The following CBLN2 variants were observed in gnomAD, a reference collection of about 807,000 sequenced individuals.
The protein encoded by CBLN2 is cerebellin 2 precursor.
Under a neutral mutation model 15.0 loss-of-function variants are expected in CBLN2, and 7 were observed. The ratio of observed to expected loss-of-function variants is 0.47; its 90% CI spans 0.27 to 0.88. The LOEUF (loss-of-function observed/expected upper bound fraction) is 0.88, where lower values mean the gene tolerates loss of function less well. Ranked by LOEUF, CBLN2 falls within the 40% of genes least tolerant of loss-of-function variation. The pLI, the probability that CBLN2 is intolerant of heterozygous loss-of-function variation, is 0.14. For synonymous variants in CBLN2, 149 were observed against 135.2 expected (o/e 1.10, Z -0.71); for missense variants, 242 against 304.5 (o/e 0.79, Z 1.53).
Position 72,542,152 on chromosome 18 carries a change from C to G in CBLN2, c.9G>C (p.Ala3=). MQ[A]PGRGPLGLRL... is the part of the protein sequence containing the mutation. ...GCAGCCCGAGTGGCCCCCGGCCGGG[C>G]GCCTGCATCGGGACTGGTGGGAGGC... is the stretch of plus-strand genomic sequence containing the variant. Residue 3 remains alanine, a synonymous_variant, in exon 3 of 5, where the codon GCG becomes GCC. Coordinates refer to ENST00000269503, the MANE Select transcript of CBLN2 (RefSeq NM_182511.4). The G allele has an allele frequency of 7.6e-7, 1 of 1,308,602 alleles. No individual in the cohort carries two copies. The highest frequency in any genetic ancestry group is 1.6e-5 in the African/African-American group (1 of 64,332). 81.1% of individuals were successfully genotyped at this position (1,308,602 alleles called of 1,614,324 possible). A position where few individuals can be genotyped will look rare whatever the true frequency, so the allele number is the denominator to read the frequency against.
intron 1 of CBLN2, among the ~76,000 whole-genome samples, chr18:72,626,525 C>T (rs2087079303): frequency 6.6e-6 from 1 of 151,972 alleles, no homozygotes; most frequent in Admixed American, 6.6e-5. Context: ...CATGGTAAAA[C>T]CCCGTCTCTA....
chr18:72,548,892 G>T (rs182106240), upstream of CBLN2, among the ~76,000 whole-genome samples: 3 of 152,266 alleles, frequency 2.0e-5, no homozygotes, highest in African/African-American at 7.2e-5. Flanking sequence ...TGAGGAAGGG[G>T]ATCCAAACTG....
chr18:72,569,024 A>G (rs1030497870), intron 1 of CBLN2, among the ~76,000 whole-genome samples: 15 of 152,184 alleles, frequency 9.9e-5, no homozygotes, highest in Non-Finnish European at 1.3e-4. Context: ...GCTGTTTCCC[A>G]TTTGTTTCAC....
intron 1 of CBLN2, among the ~76,000 whole-genome samples, chr18:72,601,413 T>G (rs117432981): frequency 2.0e-5 from 3 of 151,022 alleles, no homozygotes; most frequent in African/African-American, 7.3e-5. Flanking sequence ...GGGAGGTGTA[T>G]GCCATGTGCC....
chr18:72,557,123 C>A (rs1344214104), intron 1 of CBLN2, among the ~76,000 whole-genome samples: 5 of 151,538 alleles, frequency 3.3e-5, no homozygotes, highest in Admixed American at 3.3e-4. Flanking sequence ...ATGTACCATG[C>A]AAACAAATAA....
chr18:72,637,443 C>A (rs2069821176), intron 1 of CBLN2, among the ~76,000 whole-genome samples: 1 of 152,172 alleles, frequency 6.6e-6, no homozygotes, highest in Non-Finnish European at 1.5e-5. Context: ...TGAGCAGATC[C>A]ACAGCCCTGA....
chr18:72,547,208 G>A (rs1027138625), upstream of CBLN2, among the ~76,000 whole-genome samples: 6 of 152,008 alleles, frequency 3.9e-5, no homozygotes, highest in Admixed American at 2.6e-4. Flanking sequence ...CTTTTGCAGC[G>A]ACATAGATGG....
intron 1 of CBLN2, among the ~76,000 whole-genome samples, chr18:72,594,236 C>A (rs1397181759): frequency 6.6e-6 from 1 of 152,114 alleles, no homozygotes; most frequent in Non-Finnish European, 1.5e-5. Context: ...ACCTATGTAA[C>A]AAACCTGCAC....
intron 1 of CBLN2, among the ~76,000 whole-genome samples, chr18:72,612,326 G>GT (rs1261407718): frequency 6.6e-6 from 1 of 152,162 alleles, no homozygotes; most frequent in South Asian, 2.1e-4. Context: ...GATTCAAGTT[G>GT]TTTGTTTTTA....
chr18:72,598,169 A>G (rs1329001916), intron 1 of CBLN2, among the ~76,000 whole-genome samples: 1 of 152,140 alleles, frequency 6.6e-6, no homozygotes, highest in Non-Finnish European at 1.5e-5. Context: ...TAAAACCAGC[A>G]TGGCTCTGAG....
At chr18:72,630,981 A>G (rs368991993) in intron 1 of CBLN2, 19 of 152,184 alleles carry the variant, frequency 1.2e-4, no homozygotes, top group African/African-American at 4.3e-4. Flanking sequence ...TAAAACTAAA[A>G]TCTTTACGGT....
chr18:72,628,593 G>T (rs1361593885), intron 1 of CBLN2, among the ~76,000 whole-genome samples: 1 of 152,184 alleles, frequency 6.6e-6, no homozygotes, highest in Non-Finnish European at 1.5e-5. Context: ...AGAGAAAGGG[G>T]TGAGGCAGTC....
intron 1 of CBLN2, among the ~76,000 whole-genome samples, chr18:72,621,145 A>G (rs1018032585): frequency 6.6e-6 from 1 of 152,188 alleles, no homozygotes; most frequent in Non-Finnish European, 1.5e-5. Flanking sequence ...CCTGGGTTAG[A>G]CAACAGCACT....
chr18:72,576,916 ATTTT>A (rs2069370991), intron 1 of CBLN2, among the ~76,000 whole-genome samples: 2 of 148,136 alleles, frequency 1.4e-5, no homozygotes, highest in Non-Finnish European at 3.0e-5. Flanking sequence ...ATATACATTT[ATTTT>A]CATTCTAGAA....
At chr18:72,637,273 A>G (rs1179457171) in intron 1 of CBLN2, among the ~76,000 whole-genome samples, 3 of 42,918 alleles carry the variant, frequency 7.0e-5, no homozygotes, top group Non-Finnish European at 9.7e-5. Flanking sequence ...ATTGTGCCAC[A>G]GAACAAGCAA....
intron 1 of CBLN2, among the ~76,000 whole-genome samples, chr18:72,635,583 G>GA (rs1476620144): frequency 6.6e-6 from 1 of 151,658 alleles, no homozygotes; most frequent in Non-Finnish European, 1.5e-5. Flanking sequence ...GACATTTTTA[G>GA]AAAAAACATT....
At chr18:72,611,145 T>G (rs2069619599) in intron 1 of CBLN2, among the ~76,000 whole-genome samples, 1 of 152,224 alleles carries the variant, frequency 6.6e-6, no homozygotes, top group Non-Finnish European at 1.5e-5. Context: ...CTACCATTGA[T>G]GGATATGTAG....
chr18:72,548,998 CTTATTTAT>C (rs540191284), upstream of CBLN2, among the ~76,000 whole-genome samples: 1 of 151,958 alleles, frequency 6.6e-6, no homozygotes, highest in African/African-American at 2.4e-5. Context: ...TTCCTTCTTT[CTTATTTAT>C]TTATTTATTT....
chr18:72,636,920 T>A (rs2069816684), intron 1 of CBLN2, among the ~76,000 whole-genome samples: 1 of 151,970 alleles, frequency 6.6e-6, no homozygotes, highest in Non-Finnish European at 1.5e-5. Context: ...CATTTAAATT[T>A]CAGTTTCATG....
Sources: allele counts gnomAD v4.1 joint callset (sites outside exome capture counted in the v4.1 genomes callset), GRCh38; gene constraint gnomAD v4.1.1; transcripts MANE v1.5; gene names NCBI Gene and HGNC (gene_info 2026-07-23, HGNC 2026-07-21).